The following FLT4 variants were observed in gnomAD, a reference collection of about 807,000 sequenced individuals.
FLT4 encodes the protein fms related receptor tyrosine kinase 4, also known as vascular endothelial growth factor receptor 3.
A neutral mutation model predicts 163.2 loss-of-function variants in FLT4; 30 were observed. That is an observed-to-expected ratio of 0.18 (90% confidence interval 0.14 to 0.25). The LOEUF is 0.25. Among genes scored for constraint, FLT4 ranks in the 10% least tolerant of loss-of-function variants. The probability of loss-of-function intolerance (pLI) is 1.00; values close to 1 mark genes in which losing one functional copy is unlikely to be tolerated. For missense variants in FLT4, 1,510 were observed against 1,863.8 expected (o/e 0.81, Z 3.50); for synonymous variants, 884 against 789.5 (o/e 1.12, Z -2.01).
At chr5:180,616,276 C>T (rs1762681091) in intron 23 of FLT4, 91 bp downstream of exon 23, 4 of 1,567,702 alleles carry the variant, frequency 2.6e-6, no homozygotes, top group Non-Finnish European at 2.6e-6. Flanking sequence ...TCACCCTGTG[C>T]CAGCCCTCCC....
intron 13 of FLT4, 50 bp downstream of exon 13, chr5:180,621,492 G>A (rs368189734): frequency 1.8e-5 from 29 of 1,598,252 alleles, no homozygotes; most frequent in Non-Finnish European, 2.4e-5. Flanking sequence ...GGCAGAGGCA[G>A]CTACTGCTAG....
chr5:180,627,853 A>C (rs3822406), intron 8 of FLT4, among the ~76,000 whole-genome samples: 2 of 152,162 alleles, frequency 1.3e-5, no homozygotes, highest in Admixed American at 6.5e-5. Flanking sequence ...CAGTGCCCTC[A>C]GGACTCTGCC....
At position 180,619,734 on chromosome 5, in the gene FLT4, C is replaced by T. The variant is rs776371370; in HGVS notation, c.2578G>A (p.Val860Met). 1 of 1,612,614 alleles carries T rather than the reference C, an allele frequency of 6.2e-7. No individual in the cohort carries two copies. Among genetic ancestry groups the T allele is most frequent in the South Asian group, 1.1e-5 (1 of 91,078 alleles). Residue 860 changes from valine (V) to methionine (M), a missense_variant, in exon 18 of 30, where the codon GTG becomes ATG. This residue lies in a region of FLT4 where 878 missense variants were observed against 1,016.7 expected (regional missense o/e 0.86). Transcript: ENST00000261937. ...VLGYGAFGKV[V>M]EASAFGIHKG... ...TGGATGCCGAAAGCGGAGGCTTCCA[C>T]CACCTTCCCGAAGGCGCCGTAGCCG...
rs754415566 is a variant in FLT4 at position 180,620,125 on chromosome 5, G to C, written c.2542+48C>G. 1 of 1,583,098 alleles carries C rather than the reference G, an allele frequency of 6.3e-7. No homozygotes were observed. On this transcript the variant is annotated intron_variant, in intron 17 of 29. Transcript: ENST00000261937. This position sits in a 1 kb window ranked among gnomAD's most constrained non-coding sequence, Gnocchi z 4.4. ...ATTCAGGCACTCCGGCCTGCAGCAG[G>C]TGGGTCGGGCAGGAGGTGTGGGTTG...
chr5:180,624,713 G>A (rs79060720), intron 10 of FLT4, among the ~76,000 whole-genome samples: 2,352 of 152,332 alleles, frequency 0.015, 64 homozygotes, highest in African/African-American at 0.052. Flanking sequence ...GCCCAGCACA[G>A]TCCCATGCTG....
At chr5:180,615,085 G>A (rs559022336) in intron 23 of FLT4, among the ~76,000 whole-genome samples, 9 of 152,346 alleles carry the variant, frequency 5.9e-5, no homozygotes, top group African/African-American at 2.2e-4. Context: ...CCCACCGCAC[G>A]GAGCAAGGCG....
Position 180,610,252 on chromosome 5 carries a change from C to T in FLT4, c.3687-227G>A, listed in dbSNP as rs190270414. 3.9e-3 allele frequency among the ~76,000 whole-genome samples: 595 copies of T among 152,364 alleles called. 4 individuals carry two copies. Among genetic ancestry groups the T allele is most frequent in the Non-Finnish European group, 7.2e-3 (487 of 68,038 alleles). ...CCCTGGGCTGTGTTTCCTCCCGAGT[C>T]CACTGCTGAGCTCTGTGATGGGAAG... On this transcript the variant is annotated intron_variant, in intron 27 of 29. Coordinates refer to ENST00000261937, the MANE Select transcript of FLT4 (RefSeq NM_182925.5).
Position 180,622,852 on chromosome 5 carries a change from A to T in FLT4, c.1549-13T>A. 6.3e-7 allele frequency: 1 copy of T among 1,581,720 alleles called. No individual in the cohort carries two copies. The highest frequency in any genetic ancestry group is 8.7e-7 in the Non-Finnish European group (1 of 1,151,332). On this transcript the variant is annotated splice_polypyrimidine_tract_variant and intron_variant, in intron 11 of 29. Coordinates refer to ENST00000261937, the MANE Select transcript of FLT4 (RefSeq NM_182925.5). ...GCTTGCTCACAGTCTGGGAGAGCACAGGCACAAGGATCCATTTCCTGCCCA... is the reference window on the plus strand; with the variant it reads ...GCTTGCTCACAGTCTGGGAGAGCACTGGCACAAGGATCCATTTCCTGCCCA...
rs575699997 is a variant in FLT4, at chr5:180,618,400, C to T, written c.3001+370G>A. ...TCCTACTCCAGAGCACCCTCTCCTG[C>T]TCCTCAGCCTCTGGGACACCCACGT... On this transcript the variant is annotated intron_variant, in intron 21 of 29. Transcript: ENST00000261937. 3.4e-3 allele frequency among the ~76,000 whole-genome samples: 365 copies of T among 106,962 alleles called. 34 individuals carry two copies. The highest frequency in any genetic ancestry group is 6.3e-3 in the Non-Finnish European group (292 of 46,672). The allele number at this position is 106,962 out of a possible 152,430, so 70.2% of individuals were successfully genotyped here.
rs421662 is a variant in FLT4, at chr5:180,614,001, G to C, written c.3331+67C>G. ...TGCCCAGTCCCTTACTCCAGCAGGG[G>C]CGGTCATGTAACCTGCCGCCAGTGA... On this transcript the variant is annotated intron_variant, in intron 24 of 29. Transcript: ENST00000261937. The C allele has an allele frequency of 0.98, 1,065,163 of 1,092,336 alleles. 520,831 individuals carry two copies. Among genetic ancestry groups the C allele is most frequent in the Non-Finnish European group, 1 (702,786 of 704,360 alleles). 67.7% of individuals were successfully genotyped at this position (1,092,336 alleles called of 1,614,324 possible). A position where few individuals can be genotyped will look rare whatever the true frequency, so the allele number is the denominator to read the frequency against.
At chr5:180,627,794 C>A (rs566996993) in intron 8 of FLT4, among the ~76,000 whole-genome samples, 1 of 152,304 alleles carries the variant, frequency 6.6e-6, no homozygotes, top group South Asian at 2.1e-4. Context: ...GGGGACAGGG[C>A]CCAGGGGTCT....
chr5:180,643,172 T>C (rs190947441), intron 1 of FLT4, among the ~76,000 whole-genome samples: 31 of 152,364 alleles, frequency 2.0e-4, no homozygotes, highest in African/African-American at 6.7e-4. Flanking sequence ...TCCCTCCCAC[T>C]AGGTTGGCTG....
At chr5:180,638,964 C>A (rs921555550) in intron 1 of FLT4, among the ~76,000 whole-genome samples, 6 of 133,784 alleles carry the variant, frequency 4.5e-5, no homozygotes, top group Admixed American at 2.8e-4. Context: ...AGAGTAAAGT[C>A]TCAGTGAACA....
intron 26 of FLT4, 77 bp downstream of exon 26, chr5:180,612,429 T>G: frequency 1.9e-6 from 2 of 1,074,350 alleles, no homozygotes; most frequent in Non-Finnish European, 2.9e-6. Flanking sequence ...CTAGATGGGC[T>G]TGGAGGGGCA....
rs113217491 is a variant in FLT4, at chr5:180,621,921, A to C, written c.1658-17T>G. On this transcript the variant is annotated splice_polypyrimidine_tract_variant and intron_variant, in intron 12 of 29. Coordinates refer to ENST00000261937, the MANE Select transcript of FLT4 (RefSeq NM_182925.5). Reference sequence around the variant, plus strand: ...CGGGGATGGCTGTGGAGGGAGGAAGAAGCCCTGTGGCACTGCCCTGGGAGT... The same window carrying C: ...CGGGGATGGCTGTGGAGGGAGGAAGCAGCCCTGTGGCACTGCCCTGGGAGT... 2.7e-4 allele frequency: 442 copies of C among 1,612,862 alleles called. 3 individuals are homozygous for C. In the African/African-American group the frequency reaches 5.0e-3, roughly 18 times the overall value.
At chr5:180,608,179 T>C in intron 29 of FLT4, 2 of 700,110 alleles carry the variant, frequency 2.9e-6, no homozygotes, top group Non-Finnish European at 5.2e-6. Flanking sequence ...TTGTAGTAGA[T>C]AGCAGTAGAA....
At chr5:180,616,643 A>T (rs565348694) in intron 22 of FLT4, among the ~76,000 whole-genome samples, 154 bp from the exon 23 acceptor site, 5 of 152,218 alleles carry the variant, frequency 3.3e-5, no homozygotes, top group African/African-American at 1.2e-4. Context: ...CATCTCCAGG[A>T]CTCATCATGG....
chr5:180,603,442 G>C (rs1450584013), intron 29 of FLT4, 52 bp from the exon 30 acceptor site: 1 of 1,550,912 alleles, frequency 6.4e-7, no homozygotes, highest in Admixed American at 1.8e-5. Flanking sequence ...TGGGTGGCGG[G>C]TGGTGCATAC....
chr5:180,628,412 C>A lies in FLT4; in HGVS notation c.1103+470G>T, dbSNP rs534216794. ...CTTGTCGGCCTCCTGGAAGCTCTCT[C>A]GCTCGCTGCCGTGCAGCACAGGCCC... On this transcript the variant is annotated intron_variant, in intron 8 of 29. Coordinates refer to ENST00000261937, the MANE Select transcript of FLT4 (RefSeq NM_182925.5). 2.8e-4 allele frequency among the ~76,000 whole-genome samples: 43 copies of A among 152,344 alleles called. 1 individual carries two copies. Among genetic ancestry groups the A allele is most frequent in the African/African-American group, 7.0e-4 (29 of 41,588 alleles).
Sources: gnomAD v4.1 joint callset for allele counts (sites outside exome capture counted in the v4.1 genomes callset) on GRCh38, gnomAD v4.1.1 for gene constraint, gnomAD v4.1.1 regional missense constraint, Gnocchi (gnomAD v3.1) non-coding constraint, MANE v1.5 for transcripts, NCBI Gene and HGNC (gene_info 2026-07-23, HGNC 2026-07-21) for gene names.